Variants in SHCBP1L observed in about 807,000 individuals in gnomAD.
SHCBP1L encodes SHC binding and spindle associated 1 like, also known as testicular spindle-associated protein SHCBP1L.
SHCBP1L carries 67 observed loss-of-function variants against 62.5 expected under a neutral mutation model. The ratio of observed to expected loss-of-function variants is 1.07; its 90% CI spans 0.88 to 1.31. The LOEUF is 1.31. Among genes scored for constraint, SHCBP1L ranks in the 40% most tolerant of loss-of-function variants. The pLI, the probability that SHCBP1L is intolerant of heterozygous loss-of-function variation, is 0.00. For missense variants in SHCBP1L, 823 were observed against 809.8 expected, an observed-to-expected ratio of 1.02 and a Z score of -0.20; for synonymous variants, 284 against 289.4, an observed-to-expected ratio of 0.98 and a Z score of 0.19.
At chr1:182,904,912 A>C (rs930866695) in intron 7 of SHCBP1L, among the ~76,000 whole-genome samples, 18 of 151,930 alleles carry the variant, frequency 1.2e-4, no homozygotes, top group African/African-American at 4.1e-4. Flanking sequence ...ACATCCAGCT[A>C]ACTTTTGAAT....
At chr1:182,936,665 T>C (rs556027191) in intron 5 of SHCBP1L, among the ~76,000 whole-genome samples, 1 of 152,312 alleles carries the variant, frequency 6.6e-6, no homozygotes, top group African/African-American at 2.4e-5. Context: ...TGATATTGTT[T>C]CATTTATTTC....
At chr1:182,952,626 G>T in intron 1 of SHCBP1L, 103 bp downstream of exon 1, 1 of 1,356,792 alleles carries the variant, frequency 7.4e-7, no homozygotes, top group Non-Finnish European at 9.9e-7. Context: ...AGTTTTCGTT[G>T]TGCCCTGTGG....
rs557269888 is a variant in SHCBP1L at position 182,908,461 on chromosome 1, T to C, written c.1183-2812A>G. ...AAAGGACATGATTTCATTCTTTTTA[T>C]GGCTGCATAGTATTCCATGGTGTAC... On this transcript the variant is annotated intron_variant, in intron 6 of 9. Transcript: ENST00000367547. Among the ~76,000 whole-genome samples the C allele has an allele frequency of 5.8e-4, 89 of 152,348 alleles. 1 individual carries two copies. Among genetic ancestry groups the C allele is most frequent in the African/African-American group, 2.1e-3 (87 of 41,578 alleles).
At chr1:182,951,530 G>GTT (rs368158689) in intron 1 of SHCBP1L, 63 bp from the exon 2 acceptor site, 3,931 of 818,830 alleles carry the variant, frequency 4.8e-3, no homozygotes, top group South Asian at 5.4e-3. Context: ...AAACTAAGTG[G>GTT]TTTTTTTTTT....
intron 6 of SHCBP1L, among the ~76,000 whole-genome samples, chr1:182,925,028 G>GAGGAAGGAA (rs1553246016): frequency 7.1e-6 from 1 of 140,024 alleles, no homozygotes; most frequent in Admixed American, 7.1e-5. Context: ...GGAGGAAGGG[G>GAGGAAGGAA]AGGAAGGGAA....
chr1:182,929,875 C>A, intron 5 of SHCBP1L, 123 bp from the exon 6 acceptor site: 3 of 641,998 alleles, frequency 4.7e-6, no homozygotes, highest in South Asian at 4.1e-5. Context: ...TTATAAGTTC[C>A]TTGAGAGCAA....
intron 2 of SHCBP1L, among the ~76,000 whole-genome samples, chr1:182,948,449 A>G (rs940425947): frequency 2.0e-5 from 3 of 152,238 alleles, no homozygotes; most frequent in South Asian, 4.1e-4. Context: ...GCAGTGAAGC[A>G]GAAAGATGCA....
intron 2 of SHCBP1L, among the ~76,000 whole-genome samples, chr1:182,945,952 C>A (rs1461913822): frequency 6.6e-6 from 1 of 151,344 alleles, no homozygotes; most frequent in Non-Finnish European, 1.5e-5. Context: ...CTCAGCTACT[C>A]GGGAGGCTGA....
intron 2 of SHCBP1L, among the ~76,000 whole-genome samples, chr1:182,947,010 G>A (rs981472314): frequency 1.3e-5 from 2 of 152,272 alleles, no homozygotes; most frequent in Middle Eastern, 3.4e-3. Context: ...GCTGAGGCAG[G>A]TGGATCACCT....
chr1:182,924,790 G>GAGAA (rs1331725781), intron 6 of SHCBP1L, among the ~76,000 whole-genome samples: 1 of 73,356 alleles, frequency 1.4e-5, no homozygotes, highest in Non-Finnish European at 2.6e-5. Context: ...GAAAGAAAGA[G>GAGAA]AGAAAGAAAG....
At chr1:182,915,876 G>A (rs1319456604) in intron 6 of SHCBP1L, among the ~76,000 whole-genome samples, 2 of 149,176 alleles carry the variant, frequency 1.3e-5, no homozygotes, top group African/African-American at 4.9e-5. Context: ...GCGCGATCTC[G>A]GCTCACTGCA....
chr1:182,909,501 T>G (rs1051088978), intron 6 of SHCBP1L, among the ~76,000 whole-genome samples: 1 of 152,084 alleles, frequency 6.6e-6, no homozygotes. Flanking sequence ...ATCAGGAGAC[T>G]AGGATGTCAT....
chr1:182,944,710 G>A (rs1287488463), intron 2 of SHCBP1L, among the ~76,000 whole-genome samples: 1 of 151,972 alleles, frequency 6.6e-6, no homozygotes, highest in Non-Finnish European at 1.5e-5. Context: ...AACTCTGAAA[G>A]ATAAGAATTT....
chr1:182,904,526 C>A, intron 7 of SHCBP1L, 96 bp from the exon 8 acceptor site: 2 of 1,148,744 alleles, frequency 1.7e-6, no homozygotes, highest in Admixed American at 2.2e-5. Flanking sequence ...AAAGTTTTTC[C>A]CTGTGTGCGT....
chr1:182,901,413 C>T (rs1369621447), intron 9 of SHCBP1L, among the ~76,000 whole-genome samples: 7 of 152,028 alleles, frequency 4.6e-5, no homozygotes, highest in Non-Finnish European at 7.4e-5. Flanking sequence ...GCTGAGATCG[C>T]GCCATTACAC....
chr1:182,942,281 G>A (rs1651393205), intron 2 of SHCBP1L: 2 of 1,161,462 alleles, frequency 1.7e-6, no homozygotes, highest in South Asian at 1.2e-5. Context: ...TTTATCCTTC[G>A]CTGCTGCCTT....
chr1:182,939,417 C>A, intron 4 of SHCBP1L, 23 bp from the exon 5 acceptor site: 1 of 1,608,686 alleles, frequency 6.2e-7, no homozygotes, highest in East Asian at 2.2e-5. Flanking sequence ...AACATAATTA[C>A]AATGTTTATT....
chr1:182,935,811 T>C (rs763992512), intron 5 of SHCBP1L, among the ~76,000 whole-genome samples: 1 of 152,232 alleles, frequency 6.6e-6, no homozygotes, highest in Non-Finnish European at 1.5e-5. Flanking sequence ...CATCTGAAAT[T>C]AATATAGCCA....
At chr1:182,927,363 G>C (rs1374837659) in intron 6 of SHCBP1L, among the ~76,000 whole-genome samples, 1 of 151,864 alleles carries the variant, frequency 6.6e-6, no homozygotes, top group Non-Finnish European at 1.5e-5. Context: ...TCAAAGATGA[G>C]GAAATTGTTA....
Sources: allele counts gnomAD v4.1 joint callset (sites outside exome capture counted in the v4.1 genomes callset), GRCh38; gene constraint gnomAD v4.1.1; transcripts MANE v1.5; gene names NCBI Gene and HGNC (gene_info 2026-07-23, HGNC 2026-07-21).